Variants in AGBL4 observed in about 807,000 individuals in gnomAD.
The protein encoded by AGBL4 is cytosolic carboxypeptidase 6.
Under a neutral mutation model 66.4 loss-of-function variants are expected in AGBL4, and 58 were observed. The ratio of observed to expected loss-of-function variants is 0.87; its 90% CI spans 0.71 to 1.09. The LOEUF (loss-of-function observed/expected upper bound fraction) is 1.09, where lower values mean the gene tolerates loss of function less well. AGBL4 is among the 50% of genes least tolerant of loss of function. The pLI is 0.00. For missense variants in AGBL4, 579 were observed against 631.0 expected (o/e 0.92, Z 0.88); for synonymous variants, 234 against 222.9 (o/e 1.05, Z -0.44).
intron 4 of AGBL4, among the ~76,000 whole-genome samples, chr1:49,065,187 A>G (rs1390681514): frequency 6.6e-6 from 1 of 152,206 alleles, no homozygotes; most frequent in Admixed American, 6.5e-5. Flanking sequence ...ACAGCTAGTC[A>G]ATGGCAGCTA....
intron 3 of AGBL4, among the ~76,000 whole-genome samples, chr1:49,316,860 A>G (rs1645047858): frequency 6.6e-6 from 1 of 151,928 alleles, no homozygotes; most frequent in African/African-American, 2.4e-5. Context: ...ACTAAAGGAT[A>G]GGTAAAATAA....
At chr1:48,667,813 T>C (rs963762056) in intron 6 of AGBL4, among the ~76,000 whole-genome samples, 1 of 152,104 alleles carries the variant, frequency 6.6e-6, no homozygotes, top group Admixed American at 6.6e-5. Flanking sequence ...CTGGTAGAGG[T>C]AGATGCCAAG....
intron 5 of AGBL4, among the ~76,000 whole-genome samples, chr1:48,912,962 G>A (rs557604869): frequency 6.7e-4 from 102 of 152,210 alleles, no homozygotes; most frequent in Non-Finnish European, 1.3e-3. Context: ...GGTCAAGTAG[G>A]AGACAGCTAG....
intron 11 of AGBL4, among the ~76,000 whole-genome samples, chr1:48,572,876 C>A (rs962717318): frequency 2.6e-5 from 4 of 152,216 alleles, no homozygotes; most frequent in African/African-American, 9.6e-5. Context: ...AACAAAGCCG[C>A]AGCTTGTGGT....
intron 3 of AGBL4, among the ~76,000 whole-genome samples, chr1:49,475,995 A>G (rs1440533226): frequency 1.3e-5 from 2 of 151,652 alleles, no homozygotes; most frequent in African/African-American, 4.8e-5. Context: ...TTTTTGTTCT[A>G]GTTGCTTTAG....
chr1:49,715,204 G>T (rs1175207628), intron 2 of AGBL4, among the ~76,000 whole-genome samples: 1 of 152,066 alleles, frequency 6.6e-6, no homozygotes, highest in East Asian at 1.9e-4. Flanking sequence ...TTATGAGTGA[G>T]AACATGTGGT....
chr1:48,624,817 C>T (rs996557403), intron 9 of AGBL4, among the ~76,000 whole-genome samples: 2 of 152,002 alleles, frequency 1.3e-5, no homozygotes, highest in Non-Finnish European at 2.9e-5. Context: ...TGTCACTTGG[C>T]TTGGAATGTT....
At chr1:48,688,890 A>T (rs1646577183) in intron 6 of AGBL4, among the ~76,000 whole-genome samples, 1 of 151,960 alleles carries the variant, frequency 6.6e-6, no homozygotes, top group African/African-American at 2.4e-5. Context: ...TGGGGGTGTC[A>T]GTTGCAGGGA....
chr1:49,805,458 G>A (rs1287321590), intron 2 of AGBL4, among the ~76,000 whole-genome samples: 1 of 152,142 alleles, frequency 6.6e-6, no homozygotes, highest in Non-Finnish European at 1.5e-5. Flanking sequence ...TAACTTATGA[G>A]GTTGTGGGGC....
intron 2 of AGBL4, among the ~76,000 whole-genome samples, chr1:49,699,422 T>C (rs561007388): frequency 6.6e-6 from 1 of 152,020 alleles, no homozygotes; most frequent in East Asian, 1.9e-4. Flanking sequence ...AATGCCTCCA[T>C]ATCACCTGGT....
chr1:49,055,511 A>C (rs761925868), intron 4 of AGBL4, among the ~76,000 whole-genome samples: 16 of 152,066 alleles, frequency 1.1e-4, no homozygotes, highest in Non-Finnish European at 2.4e-4. Context: ...AATTGAATGC[A>C]TCAACAGTTT....
At position 49,875,530 on chromosome 1, in the gene AGBL4, C is replaced by T. The variant is rs940429193; in HGVS notation, c.35-24012G>A. Among the ~76,000 whole-genome samples, 12 of 146,976 alleles carry T rather than the reference C, an allele frequency of 8.2e-5. 1 individual carries two copies. The highest frequency in any genetic ancestry group is 2.8e-4 in the African/African-American group (11 of 39,738). ...CATAGTATTCTATGGTGTATATGTG[C>T]CACATTTTCTTAATCCAGTCTATCA... On this transcript the variant is annotated intron_variant, in intron 1 of 13. Transcript: ENST00000371839.
intron 6 of AGBL4, among the ~76,000 whole-genome samples, chr1:48,688,781 G>C (rs1343588274): frequency 6.6e-6 from 1 of 152,008 alleles, no homozygotes; most frequent in Admixed American, 6.5e-5. Context: ...ACAGATCCAG[G>C]AAGAGCATTG....
intron 2 of AGBL4, among the ~76,000 whole-genome samples, chr1:49,748,114 A>G (rs1461009173): frequency 1.3e-5 from 2 of 152,112 alleles, no homozygotes; most frequent in African/African-American, 4.8e-5. Flanking sequence ...TGCACCCATC[A>G]AACCGTCATC....
intron 3 of AGBL4, among the ~76,000 whole-genome samples, chr1:49,665,294 T>G (rs1306639839): frequency 6.6e-6 from 1 of 152,140 alleles, no homozygotes; most frequent in Non-Finnish European, 1.5e-5. Context: ...CTGTTTTTTT[T>G]GTTTTTGTTT....
chr1:49,508,677 T>C (rs1371803838), intron 3 of AGBL4, among the ~76,000 whole-genome samples: 2 of 151,962 alleles, frequency 1.3e-5, no homozygotes, highest in African/African-American at 4.8e-5. Context: ...TATGCAACCT[T>C]AGGCAAATTA....
intron 3 of AGBL4, among the ~76,000 whole-genome samples, chr1:49,344,649 A>G (rs1484329668): frequency 1.3e-5 from 2 of 152,204 alleles, no homozygotes; most frequent in Non-Finnish European, 2.9e-5. Context: ...TTTAACCCCA[A>G]TAAACTAAAA....
At chr1:49,108,373 T>C (rs1645338720) in intron 4 of AGBL4, among the ~76,000 whole-genome samples, 1 of 152,186 alleles carries the variant, frequency 6.6e-6, no homozygotes, top group Non-Finnish European at 1.5e-5. Flanking sequence ...ATAGGAAGTT[T>C]TGGTACAGTT....
intron 4 of AGBL4, among the ~76,000 whole-genome samples, chr1:49,120,820 T>TCC (rs1195662257): frequency 6.6e-6 from 1 of 152,222 alleles, no homozygotes; most frequent in African/African-American, 2.4e-5. Context: ...GATTCCATTC[T>TCC]CCCCATCACT....
Sources: gnomAD v4.1 joint callset for allele counts (sites outside exome capture counted in the v4.1 genomes callset) on GRCh38, gnomAD v4.1.1 for gene constraint, MANE v1.5 for transcripts, NCBI Gene and HGNC (gene_info 2026-07-23, HGNC 2026-07-21) for gene names.